The following CBR4 variants were observed in gnomAD, a reference collection of about 807,000 sequenced individuals.
CBR4 encodes carbonyl reductase 4, also known as 3-oxoacyl-[acyl-carrier-protein] reductase.
In CBR4, 22 loss-of-function variants were observed where a neutral mutation model predicts 21.0. That is an observed-to-expected ratio of 1.05 (90% CI 0.75 to 1.50). CBR4 has a LOEUF of 1.50. CBR4 is among the 40% of genes most tolerant of loss of function. The pLI, the probability that CBR4 is intolerant of heterozygous loss-of-function variation, is 0.00. For missense variants in CBR4, 302 were observed against 286.3 expected (o/e 1.05, Z -0.40); for synonymous variants, 100 against 104.4 (o/e 0.96, Z 0.26).
intron 3 of CBR4, among the ~76,000 whole-genome samples, chr4:169,004,130 T>C (rs983189908): frequency 1.3e-5 from 2 of 151,998 alleles, no homozygotes; most frequent in Non-Finnish European, 2.9e-5. Context: ...AATAAAGAAA[T>C]TGCCACAGCC....
intron 4 of CBR4, among the ~76,000 whole-genome samples, chr4:168,995,722 G>A (rs1765163529): frequency 6.6e-6 from 1 of 152,066 alleles, no homozygotes; most frequent in Admixed American, 6.6e-5. Context: ...ACTACCAGTA[G>A]GTGCCACTGT....
intron 2 of CBR4, among the ~76,000 whole-genome samples, chr4:168,943,662 C>T (rs1763322790): frequency 1.3e-5 from 2 of 152,176 alleles, no homozygotes; most frequent in South Asian, 4.1e-4. Flanking sequence ...GTAATTCCAA[C>T]ACTTTGGGAG....
intron 2 of CBR4, among the ~76,000 whole-genome samples, chr4:168,949,631 T>C (rs777581804): frequency 9.2e-5 from 14 of 152,140 alleles, no homozygotes; most frequent in South Asian, 2.1e-4. Flanking sequence ...GCTGGCTTCA[T>C]AGAATGAATT....
chr4:168,984,131 G>A (rs945061078), downstream of CBR4, among the ~76,000 whole-genome samples: 1 of 152,094 alleles, frequency 6.6e-6, no homozygotes, highest in African/African-American at 2.4e-5. Context: ...TCTCTTTACA[G>A]ATGATGTAAT....
intron 2 of CBR4, among the ~76,000 whole-genome samples, chr4:168,895,685 C>T (rs998987862): frequency 3.3e-5 from 5 of 152,118 alleles, no homozygotes; most frequent in Admixed American, 3.3e-4. Flanking sequence ...AGGGGTTGGT[C>T]TTGCTTATCT....
intron 2 of CBR4, among the ~76,000 whole-genome samples, chr4:168,968,892 G>A (rs990558189): frequency 1.3e-5 from 2 of 152,338 alleles, no homozygotes; most frequent in South Asian, 2.1e-4. Flanking sequence ...CAAAGAACCA[G>A]TGTGATGGTT....
intron 2 of CBR4, chr4:168,904,141 T>C: frequency 1.9e-6 from 1 of 516,944 alleles, no homozygotes; most frequent in Non-Finnish European, 3.5e-6. Flanking sequence ...ATTAAGGGTC[T>C]AATATGTACA....
intron 2 of CBR4, chr4:168,915,779 G>A (rs1043914115): frequency 4.5e-5 from 35 of 771,646 alleles, no homozygotes; most frequent in Non-Finnish European, 7.3e-5. Flanking sequence ...TAGCTGTAGG[G>A]ATCAGATAAG....
intron 2 of CBR4, chr4:168,927,529 G>C (rs980935983): frequency 2.2e-5 from 5 of 231,352 alleles, no homozygotes; most frequent in African/African-American, 1.1e-4. Flanking sequence ...ATTGCCTGTA[G>C]CATCTAGTCT....
At position 169,007,703 on chromosome 4, in the gene CBR4, T is replaced by C; in HGVS notation, c.196A>G (p.Thr66Ala). ...AAATGTTTCTCCAGCTCTTCAAATG[T>C]ATTTTGAACATCATGTTCTTTAGCA... ...DVAKEHDVQN[T>A]FEELEKHLGR... is the part of the protein sequence containing the mutation. Residue 66 changes from threonine to alanine, a missense_variant, in exon 2 of 5, where the codon ACA (threonine) becomes GCA (alanine). Coordinates refer to ENST00000306193, the MANE Select transcript of CBR4 (RefSeq NM_032783.5). 1 of 1,590,798 alleles carries C rather than the reference T, an allele frequency of 6.3e-7. No homozygotes were observed. Among genetic ancestry groups the C allele is most frequent in the Non-Finnish European group, 8.6e-7 (1 of 1,166,762 alleles).
At chr4:168,934,273 CAAAAAAAACAAAAA>C (rs1205284861) in intron 2 of CBR4, among the ~76,000 whole-genome samples, 4 of 10,666 alleles carry the variant, frequency 3.8e-4, no homozygotes, top group African/African-American at 5.3e-4. Context: ...ACTAGAAAAG[CAAAAAAAACAAAAA>C]AAAAAAAAAA....
Position 168,964,839 on chromosome 4 carries a change from C to T in CBR4, n.169+37232G>A, listed in dbSNP as rs116863828. 6.5e-3 allele frequency among the ~76,000 whole-genome samples: 739 copies of T among 113,216 alleles called. 7 individuals carry two copies. Among genetic ancestry groups the T allele is most frequent in the Admixed American group, 7.1e-3 (84 of 11,792 alleles). The allele number at this position is 113,216 out of a possible 152,430, so 74.3% of individuals were successfully genotyped here. A position where few individuals can be genotyped will look rare whatever the true frequency, so the allele number is the denominator to read the frequency against. On this transcript the variant is annotated intron_variant and non_coding_transcript_variant, in intron 2 of 3. Transcript: ENST00000509108. ...TATGTGTAGATCACTGTGTTCAGCA[C>T]TTTGAGTTACCATGAACCAGACTCT...
chr4:168,977,726 C>T (rs913957876), intron 2 of CBR4, among the ~76,000 whole-genome samples: 1 of 152,198 alleles, frequency 6.6e-6, no homozygotes, highest in Non-Finnish European at 1.5e-5. Context: ...CTCATGATCT[C>T]CCTGCCGAAT....
At chr4:168,967,994 T>G (rs1764093835) in intron 2 of CBR4, among the ~76,000 whole-genome samples, 1 of 152,138 alleles carries the variant, frequency 6.6e-6, no homozygotes, top group African/African-American at 2.4e-5. Context: ...CTTTATACTC[T>G]CTTCTAACCA....
At chr4:169,004,932 T>C (rs1047081102) in intron 3 of CBR4, among the ~76,000 whole-genome samples, 19 of 152,178 alleles carry the variant, frequency 1.2e-4, no homozygotes, top group African/African-American at 4.6e-4. Context: ...AGTGGGGAAG[T>C]AATTTTCTGC....
At chr4:168,916,497 A>AATCTG (rs1553980944) in intron 2 of CBR4, among the ~76,000 whole-genome samples, 9 of 152,134 alleles carry the variant, frequency 5.9e-5, no homozygotes, top group Non-Finnish European at 1.3e-4. Flanking sequence ...CTTTAAATCT[A>AATCTG]AATTAAATAT....
intron 2 of CBR4, among the ~76,000 whole-genome samples, chr4:168,965,011 A>C (rs1243252400): frequency 6.6e-6 from 1 of 152,184 alleles, no homozygotes; most frequent in Non-Finnish European, 1.5e-5. Context: ...TAGAAACCCC[A>C]TCATCTCAGC....
intron 2 of CBR4, among the ~76,000 whole-genome samples, chr4:168,949,749 G>C (rs1214083045): frequency 1.3e-5 from 2 of 151,896 alleles, no homozygotes; most frequent in Non-Finnish European, 2.9e-5. Flanking sequence ...TCTGGTCCTG[G>C]ACTTTTTTTT....
intron 4 of CBR4, among the ~76,000 whole-genome samples, chr4:168,995,886 T>C (rs557083530): frequency 7.2e-5 from 11 of 152,322 alleles, no homozygotes; most frequent in African/African-American, 2.6e-4. Context: ...TTAAATGTTA[T>C]AGCCTGGATT....
Sources: gnomAD v4.1 joint callset for allele counts (sites outside exome capture counted in the v4.1 genomes callset) on GRCh38, gnomAD v4.1.1 for gene constraint, MANE v1.5 for transcripts, NCBI Gene and HGNC (gene_info 2026-07-23, HGNC 2026-07-21) for gene names.